The following FCHO2 variants were observed in gnomAD, a reference collection of about 807,000 sequenced individuals.
FCHO2 encodes the protein FCH and mu domain containing endocytic adaptor 2, also known as F-BAR domain only protein 2.
FCHO2 carries 43 observed loss-of-function variants against 114.1 expected under a neutral mutation model. The observed-to-expected ratio is 0.38, with a 90% confidence interval of 0.30 to 0.49. FCHO2 has a LOEUF of 0.49. Among genes scored for constraint, FCHO2 ranks in the 20% least tolerant of loss-of-function variants. The pLI is 0.97. For missense variants in FCHO2, 807 were observed against 950.4 expected (o/e 0.85, Z 1.98); for synonymous variants, 293 against 315.2 (o/e 0.93, Z 0.75).
At chr5:73,056,641 CTATT>C (rs1451314421) in intron 16 of FCHO2, among the ~76,000 whole-genome samples, 3 of 152,092 alleles carry the variant, frequency 2.0e-5, no homozygotes, top group Non-Finnish European at 4.4e-5. Context: ...TAAAAAAAAT[CTATT>C]TAACCACAGT....
intron 2 of FCHO2, among the ~76,000 whole-genome samples, chr5:72,984,550 T>G (rs933507573): frequency 2.0e-5 from 3 of 152,244 alleles, no homozygotes; most frequent in African/African-American, 7.2e-5. Flanking sequence ...CATATTTAAT[T>G]TCTTTAATCA....
chr5:73,078,387 A>G, intron 22 of FCHO2, 75 bp downstream of exon 22: 2 of 1,316,288 alleles, frequency 1.5e-6, no homozygotes, highest in Non-Finnish European at 2.1e-6. Context: ...ATGAATAAGT[A>G]TGTCATAGCC....
intron 2 of FCHO2, among the ~76,000 whole-genome samples, chr5:72,985,529 T>A (rs1308037437): frequency 3.3e-5 from 5 of 152,162 alleles, no homozygotes; most frequent in African/African-American, 1.2e-4. Flanking sequence ...GCATATATTA[T>A]CCAAATATAA....
Position 73,076,580 on chromosome 5 carries a change from C to T in FCHO2, c.1692-758C>T, listed in dbSNP as rs76150598. ...TTCAGTATATAAGAGCAGATGAGTT[C>T]CAGTGCAGAATTGCTGGGATTGGCC... On this transcript the variant is annotated intron_variant, in intron 20 of 25. Transcript: ENST00000430046. Among the ~76,000 whole-genome samples the T allele has an allele frequency of 3.6e-3, 542 of 152,178 alleles. 5 individuals are homozygous for T. Among genetic ancestry groups the T allele is most frequent in the African/African-American group, 0.013 (527 of 41,536 alleles).
At chr5:73,066,920 T>C (rs1742368209) in intron 18 of FCHO2, among the ~76,000 whole-genome samples, 2 of 152,028 alleles carry the variant, frequency 1.3e-5, no homozygotes, top group Non-Finnish European at 2.9e-5. Context: ...AATAGAAATA[T>C]AATATAAGCA....
intron 2 of FCHO2, among the ~76,000 whole-genome samples, chr5:72,975,587 C>G (rs1752821302): frequency 6.6e-6 from 1 of 152,118 alleles, no homozygotes; most frequent in South Asian, 2.1e-4. Flanking sequence ...TAACTGCAAC[C>G]TCCCTGTCCT....
At chr5:72,967,115 G>A (rs1258030853) in intron 1 of FCHO2, among the ~76,000 whole-genome samples, 1 of 152,146 alleles carries the variant, frequency 6.6e-6, no homozygotes, top group Non-Finnish European at 1.5e-5. Context: ...GCAAAACCCT[G>A]TCTCTTCTAA....
At chr5:72,968,380 A>T (rs1373057725) in intron 1 of FCHO2, 118 bp from the exon 2 acceptor site, 1 of 636,734 alleles carries the variant, frequency 1.6e-6, no homozygotes. Context: ...AATGAGAAAA[A>T]TTTATGAAAA....
intron 24 of FCHO2, 72 bp downstream of exon 24, chr5:73,082,897 C>G: frequency 7.9e-7 from 1 of 1,261,118 alleles, no homozygotes; most frequent in Middle Eastern, 2.5e-4. Flanking sequence ...TTTTTTAAAA[C>G]AGAGTCTAGC....
intron 8 of FCHO2, among the ~76,000 whole-genome samples, chr5:73,021,726 A>G (rs1755639094): frequency 6.6e-6 from 1 of 152,164 alleles, no homozygotes; most frequent in Admixed American, 6.5e-5. Context: ...TATTTGATTC[A>G]TCTATTTTCT....
chr5:73,044,470 T>C (rs899887668), intron 11 of FCHO2, among the ~76,000 whole-genome samples: 2 of 152,182 alleles, frequency 1.3e-5, no homozygotes, highest in Non-Finnish European at 1.5e-5. Context: ...TTTCTTTTAT[T>C]TGTAGCCTAT....
At chr5:73,074,603 G>C in intron 19 of FCHO2, 139 bp from the exon 20 acceptor site, 1 of 698,428 alleles carries the variant, frequency 1.4e-6, no homozygotes, top group Non-Finnish European at 2.4e-6. Context: ...ATATTTCTTA[G>C]CCCCCAGATT....
intron 6 of FCHO2, among the ~76,000 whole-genome samples, chr5:73,007,318 C>T (rs1580090286): frequency 1.3e-5 from 2 of 152,174 alleles, no homozygotes; most frequent in African/African-American, 4.8e-5. Context: ...GGTGGATGAA[C>T]TCCTTTTTGG....
chr5:73,027,935 C>T (rs138684398), intron 8 of FCHO2, among the ~76,000 whole-genome samples: 1 of 152,274 alleles, frequency 6.6e-6, no homozygotes, highest in Non-Finnish European at 1.5e-5. Context: ...TGCTGGCTCA[C>T]ACCTGTAATC....
chr5:72,985,494 G>GT (rs1753469802), intron 2 of FCHO2, among the ~76,000 whole-genome samples: 1 of 152,082 alleles, frequency 6.6e-6, no homozygotes, highest in Admixed American at 6.6e-5. Flanking sequence ...TACTTCTTAG[G>GT]TGGTGGTGTG....
intron 8 of FCHO2, among the ~76,000 whole-genome samples, chr5:73,030,039 CTTTTTGTTTT>C: frequency 7.1e-6 from 1 of 140,280 alleles, no homozygotes; most frequent in Middle Eastern, 3.6e-3. Context: ...TTCTTTCTTT[CTTTTTGTTTT>C]TTTTTTTTTT....
chr5:72,983,547 CTTTT>C (rs35592345), intron 2 of FCHO2, among the ~76,000 whole-genome samples: 2 of 112,898 alleles, frequency 1.8e-5, no homozygotes, highest in African/African-American at 3.3e-5. Flanking sequence ...AGTGACAATA[CTTTT>C]TTTTTTTTTT....
Position 72,968,555 on chromosome 5 carries a change from T to C in FCHO2, c.91T>C (p.Ser31Pro), listed in dbSNP as rs1350168733. 6 of 1,542,654 alleles carry C rather than the reference T, an allele frequency of 3.9e-6. No homozygotes were observed. In the Admixed American group the frequency reaches 6.7e-5, roughly 17 times the overall value. ...LYHNMKHGQI[S>P]TKELADFVRE... ...CCATAATATGAAACATGGACAGATATCAACAAAAGAACTAGCAGATTTTGT... is the reference window on the plus strand; with the variant it reads ...CCATAATATGAAACATGGACAGATACCAACAAAAGAACTAGCAGATTTTGT... The change falls in exon 2 of 26, where the codon TCA becomes CCA. Residue 31 changes from serine (S) to proline (P), a missense_variant. Ser to Pro is a moderately conservative substitution (Grantham distance 74). Transcript: ENST00000430046.
Position 73,015,640 on chromosome 5 carries a change from T to C in FCHO2, c.615T>C (p.Ile205=). 1.3e-6 allele frequency: 2 copies of C among 1,568,712 alleles called. No homozygotes were observed. Among genetic ancestry groups the C allele is most frequent in the Non-Finnish European group, 1.7e-6 (2 of 1,159,170 alleles). ...ATGTTACCCAGAAATTTCAAGATAT[T>C]GAAGAAACTCATCTCATTCACATAA... ...MTETAQKFQD[I]EETHLIHIKE... Residue 205 remains isoleucine (I), a synonymous_variant, in exon 7 of 26, where the codon ATT becomes ATC. Transcript: ENST00000430046.
Sources: allele counts gnomAD v4.1 joint callset (sites outside exome capture counted in the v4.1 genomes callset), GRCh38; gene constraint gnomAD v4.1.1; transcripts MANE v1.5; gene names NCBI Gene and HGNC (gene_info 2026-07-23, HGNC 2026-07-21).